Variants in PIDD1 observed in about 807,000 individuals in gnomAD.
PIDD1 encodes the protein p53-induced death domain-containing protein 1.
A neutral mutation model predicts 80.0 loss-of-function variants in PIDD1; 72 were observed. That is an observed-to-expected ratio of 0.90 (90% CI 0.74 to 1.09). PIDD1 has a LOEUF of 1.09. PIDD1 is among the 50% of genes least tolerant of loss of function. The pLI, the probability that PIDD1 is intolerant of heterozygous loss-of-function variation, is 0.00. For synonymous variants in PIDD1, 655 were observed against 543.5 expected, an observed-to-expected ratio of 1.21 and a Z score of -2.85; for missense variants, 1,329 against 1,228.3, an observed-to-expected ratio of 1.08 and a Z score of -1.23.
rs767298894 is a variant in PIDD1 at position 801,341 on chromosome 11, G to A, written c.1507C>T (p.Leu503=). The change falls in exon 9 of 16, where the codon CTG becomes TTG. Residue 503 remains leucine, a synonymous_variant. Coordinates refer to ENST00000347755, the MANE Select transcript of PIDD1 (RefSeq NM_145886.4). The part of the protein sequence containing the change: ...MQVVRMAGRE[L]QALLGEPEAA... Reference sequence around the variant, plus strand: ...TCTGGTTCTCCCAGGAGGGCCTGCAGCTCTCGGCCAGCCATGCGCACCACC... The same window carrying A: ...TCTGGTTCTCCCAGGAGGGCCTGCAACTCTCGGCCAGCCATGCGCACCACC... The A allele has an allele frequency of 3.1e-6, 5 of 1,609,328 alleles. No homozygotes were observed. In the East Asian group the frequency reaches 8.9e-5, roughly 29 times the overall value.
At chr11:808,623 G>T (rs1565075775), upstream of PIDD1, among the ~76,000 whole-genome samples, 1 of 152,164 alleles carries the variant, frequency 6.6e-6, no homozygotes, top group Non-Finnish European at 1.5e-5. Flanking sequence ...CTGAGCCCAG[G>T]AAGTTGAGGC....
At position 800,762 on chromosome 11, in the gene PIDD1, C is replaced by T; in HGVS notation, c.1917G>A (p.Lys639=). 1 of 1,547,582 alleles carries T rather than the reference C, an allele frequency of 6.5e-7. No individual in the cohort carries two copies. The highest frequency in any genetic ancestry group is 1.7e-4 in the Middle Eastern group (1 of 5,982). Residue 639 remains lysine, a splice_region_variant and synonymous_variant, in exon 11 of 16, where the codon AAG becomes AAA. Transcript: ENST00000347755. The part of the protein sequence containing the change: ...QVLLQCLPRN[K]VDATLRRLLE... ...GCTGCCCTCCGGCCCGTGCCCCCAC[C>T]TTGTTTCGGGGCAGGCACTGCAGCA...
Position 803,231 on chromosome 11 carries a change from T to C in PIDD1, c.652A>G (p.Ser218Gly), listed in dbSNP as rs1865523914. ...GAGGCCAGGTTGAGCTCCAGGAGGC[T>C]GCCCAGGCCTCCAATCTCAGGAGGT... ...TLPPEIGGLG[S>G]LLELNLASNR... The change falls in exon 3 of 16, where the codon AGC becomes GGC. Residue 218 changes from serine (S) to glycine (G), a missense_variant. Transcript: ENST00000347755. 1.2e-6 allele frequency: 2 copies of C among 1,612,334 alleles called. No homozygotes were observed. Among genetic ancestry groups the C allele is most frequent in the Non-Finnish European group, 8.5e-7 (1 of 1,179,880 alleles).
chr11:802,402 T>G lies in PIDD1; in HGVS notation c.975-6A>C. 1 of 1,610,930 alleles carries G rather than the reference T, an allele frequency of 6.2e-7. No individual in the cohort carries two copies. The highest frequency in any genetic ancestry group is 8.5e-7 in the Non-Finnish European group (1 of 1,179,102). On this transcript the variant is annotated splice_region_variant and splice_polypyrimidine_tract_variant and intron_variant, in intron 5 of 15. Transcript: ENST00000347755. The stretch of plus-strand genomic sequence containing the variant: ...CTTGAGGGGTCACAGGAAAGCTGAG[T>G]GAGGAAGGAGCGAGCAACAGGTTAG...
Position 803,267 on chromosome 11 carries a change from G to C in PIDD1, c.616C>G (p.Leu206Val), listed in dbSNP as rs747731106. Residue 206 changes from leucine to valine, a missense_variant, in exon 3 of 16, where the codon CTG becomes GTG. Physicochemically the swap from Leu to Val is conservative, Grantham distance 32 (BLOSUM62 1). Coordinates refer to ENST00000347755, the MANE Select transcript of PIDD1 (RefSeq NM_145886.4). The stretch of plus-strand genomic sequence containing the variant: ...CCAATCTCAGGAGGTAGCGTGTCCA[G>C]CAGATTCTGAGAGAGATCGAGGCGC... ...LQRLDLSQNLLDTLPPEIGGL... is the reference protein window; with the variant it reads ...LQRLDLSQNLVDTLPPEIGGL... 6.2e-7 allele frequency: 1 copy of C among 1,613,580 alleles called. No homozygotes were observed. The highest frequency in any genetic ancestry group is 1.7e-5 in the Admixed American group (1 of 60,026).
chr11:805,347 G>A (rs1865714722), upstream of PIDD1: 1 of 502,756 alleles, frequency 2.0e-6, no homozygotes, highest in Non-Finnish European at 2.6e-6. Flanking sequence ...GAGGTCTCCC[G>A]GCTCCTCCCC....
chr11:808,310 C>T (rs1206375734), upstream of PIDD1, among the ~76,000 whole-genome samples: 1 of 152,016 alleles, frequency 6.6e-6, no homozygotes, highest in Non-Finnish European at 1.5e-5. Flanking sequence ...GCCTGTAATC[C>T]CAGCTACTCA....
chr11:802,682 C>T lies in PIDD1; in HGVS notation c.919G>A (p.Val307Met). Residue 307 changes from valine (V) to methionine (M), a missense_variant and splice_region_variant, in exon 4 of 16, where the codon GTG becomes ATG. By Grantham distance (21) the Val-to-Met change is conservative. Transcript: ENST00000347755. Reference sequence around the variant, plus strand: ...CTGCCCCTTCTAGCACCAAGCCTACCTGGTGAACTCGGGGCGTCTGGCGAG... The same window carrying T: ...CTGCCCCTTCTAGCACCAAGCCTACTTGGTGAACTCGGGGCGTCTGGCGAG... ...EASPDAPSSPVAALIPEMPRL... is the reference protein window; with the variant it reads ...EASPDAPSSPMAALIPEMPRL... 6.2e-7 allele frequency: 1 copy of T among 1,609,838 alleles called. No individual in the cohort carries two copies. The highest frequency in any genetic ancestry group is 8.5e-7 in the Non-Finnish European group (1 of 1,177,890).
chr11:803,542 A>AGGGCACCCCGGAGAC lies in PIDD1; in HGVS notation c.326_340dup (p.Ala113_Leu114insArgLeuArgGlyAla), dbSNP rs1178829565. 4 of 1,612,816 alleles carry AGGGCACCCCGGAGAC rather than the reference A, an allele frequency of 2.5e-6. No homozygotes were observed. Among genetic ancestry groups the AGGGCACCCCGGAGAC allele is most frequent in the Non-Finnish European group, 3.4e-6 (4 of 1,179,798 alleles). The stretch of plus-strand genomic sequence containing the variant: ...ACTCAGACCAGCGGGCAGGTTGGTC[A>AGGGCACCCCGGAGAC]GGGCACCCCGGAGACAGGCACCCAG... On this transcript the variant is annotated inframe_insertion, in exon 3 of 16. Transcript: ENST00000347755.
In PIDD1 at chr11:802,305, T is replaced by C. The variant is rs778515043; in HGVS notation, c.1066A>G (p.Ile356Val). 6.2e-6 allele frequency: 10 copies of C among 1,612,014 alleles called. No homozygotes were observed. In the South Asian group the frequency reaches 7.7e-5, roughly 12 times the overall value. ...PAGATATPIT[I>V]RYRLLLPEPG... ...TCCGGCAGCAGCAGCCGATAGCGGA[T>C]GGTGATGGGGGTGGCGGTGGCTCCC... is the stretch of plus-strand genomic sequence containing the variant. Residue 356 changes from isoleucine (I) to valine (V), a missense_variant, in exon 6 of 16, where the codon ATC (isoleucine) becomes GTC (valine). Ile to Val is a conservative substitution (Grantham distance 29). Coordinates refer to ENST00000347755, the MANE Select transcript of PIDD1 (RefSeq NM_145886.4).
chr11:804,262 A>T lies in PIDD1; in HGVS notation c.127T>A (p.Tyr43Asn), dbSNP rs765370616. Residue 43 changes from tyrosine (Y) to asparagine (N), a missense_variant, in exon 2 of 16, where the codon TAC (tyrosine) becomes AAC (asparagine). By Grantham distance (143) the Tyr-to-Asn change is moderately radical. Coordinates refer to ENST00000347755, the MANE Select transcript of PIDD1 (RefSeq NM_145886.4). ...LGGNRLSLDL[Y>N]PGGCQQLLHL... ...AGCAGCTGCTGGCAGCCCCCGGGGT[A>T]CAGGTCCAAGCTCAGCCGGTTGCCG... The T allele has an allele frequency of 6.2e-7, 1 of 1,613,016 alleles. No homozygotes were observed. Among genetic ancestry groups the T allele is most frequent in the South Asian group, 1.1e-5 (1 of 91,082 alleles).
At chr11:802,936 G>A (rs375999664) in intron 3 of PIDD1, 45 bp from the exon 4 acceptor site, 164 of 1,484,234 alleles carry the variant, frequency 1.1e-4, no homozygotes, top group Non-Finnish European at 1.3e-4. Flanking sequence ...CCCAGCCCAC[G>A]GCGCTGGGAC....
In PIDD1 at chr11:801,384, CT is replaced by C; in HGVS notation, c.1483-20del. On this transcript the variant is annotated intron_variant, in intron 8 of 15. Coordinates refer to ENST00000347755, the MANE Select transcript of PIDD1 (RefSeq NM_145886.4). The stretch of plus-strand genomic sequence containing the variant: ...GCACCACCTGGGGCAGACAGGCCCC[CT>C]GAGCACCTGCCTGTGGGCTGAGGCG... 6.2e-7 allele frequency: 1 copy of C among 1,601,904 alleles called. No homozygotes were observed. The highest frequency in any genetic ancestry group is 8.5e-7 in the Non-Finnish European group (1 of 1,173,922).
Position 801,076 on chromosome 11 carries a change from G to A in PIDD1, c.1675C>T (p.Pro559Ser), listed in dbSNP as rs1183046547. ...ATGTCATCCCAGGTGGCTGCAGGAG[G>A]GGCCCAGTACAACAGGTGCAGGCGG... ...RSRLHLLYWAPPAATWDDITA... is the reference protein window; with the variant it reads ...RSRLHLLYWASPAATWDDITA... Residue 559 changes from proline to serine, a missense_variant, in exon 10 of 16, where the codon CCT becomes TCT. Transcript: ENST00000347755. The A allele has an allele frequency of 1.9e-6, 3 of 1,597,190 alleles. No individual in the cohort carries two copies. Among genetic ancestry groups the A allele is most frequent in the African/African-American group, 1.3e-5 (1 of 74,718 alleles).
upstream of PIDD1, among the ~76,000 whole-genome samples, chr11:807,604 C>G (rs925147904): frequency 5.3e-5 from 8 of 151,030 alleles, no homozygotes; most frequent in African/African-American, 1.5e-4. Flanking sequence ...GGTGAAACCC[C>G]GTCTCCACTA....
chr11:808,423 G>GAAA (rs1268121558), upstream of PIDD1, among the ~76,000 whole-genome samples: 559 of 151,296 alleles, frequency 3.7e-3, 1 homozygote, highest in Non-Finnish European at 6.1e-3. Context: ...GGACTCCTCA[G>GAAA]AAAAAAAGAA....
Position 801,032 on chromosome 11 carries a change from C to T in PIDD1, c.1719G>A (p.Leu573=). Residue 573 remains leucine (L), a synonymous_variant, in exon 10 of 16, where the codon CTG becomes CTA. Transcript: ENST00000347755. ...TWDDITAQVV[L]ELTHLYARFQ... is the part of the protein sequence containing the mutation. ...AGCGTGCGTACAGGTGGGTGAGCTC[C>T]AGGACCACCTGAGCTGTGATGTCAT... 6.9e-6 allele frequency: 11 copies of T among 1,602,568 alleles called. No individual in the cohort carries two copies. Among genetic ancestry groups the T allele is most frequent in the Non-Finnish European group, 9.4e-6 (11 of 1,175,184 alleles).
chr11:799,432 G>A lies in PIDD1; in HGVS notation c.2608C>T (p.Arg870Cys), dbSNP rs139695620. Reference sequence around the variant, plus strand: ...CGGCGGCCGAGCTCCAAGACTGCGCGCACCTCTTCAGCCACGTCCTGCCGG... The same window carrying A: ...CGGCGGCCGAGCTCCAAGACTGCGCACACCTCTTCAGCCACGTCCTGCCGG... ...SDRQDVAEEVRAVLELGRRKY... is the reference protein window; with the variant it reads ...SDRQDVAEEVCAVLELGRRKY... Residue 870 changes from arginine to cysteine, a missense_variant, in exon 16 of 16, where the codon CGC (arginine) becomes TGC (cysteine). By Grantham distance (180) the Arg-to-Cys change is radical. Coordinates refer to ENST00000347755, the MANE Select transcript of PIDD1 (RefSeq NM_145886.4). The A allele has an allele frequency of 2.1e-5, 34 of 1,611,016 alleles. No individual in the cohort carries two copies. The highest frequency in any genetic ancestry group is 8.0e-5 in the African/African-American group (6 of 74,928).
chr11:800,339 C>T lies in PIDD1; in HGVS notation c.2154G>A (p.Arg718=). 1 of 1,612,848 alleles carries T rather than the reference C, an allele frequency of 6.2e-7. No homozygotes were observed. Among genetic ancestry groups the T allele is most frequent in the Non-Finnish European group, 8.5e-7 (1 of 1,179,984 alleles). Residue 718 remains arginine (R), a synonymous_variant, in exon 13 of 16, where the codon CGG becomes CGA. Transcript: ENST00000347755. ...TTLDREAQAV[R]GQVSFYRGAV... is the part of the protein sequence containing the mutation. Reference sequence around the variant, plus strand: ...ACCCACTCCCCTCGCCCACCTGGCCCCGCACAGCCTGAGCCTCCCGGTCCA... The same window carrying T: ...ACCCACTCCCCTCGCCCACCTGGCCTCGCACAGCCTGAGCCTCCCGGTCCA...
Sources: allele counts gnomAD v4.1 joint callset (sites outside exome capture counted in the v4.1 genomes callset), GRCh38; gene constraint gnomAD v4.1.1; transcripts MANE v1.5; gene names NCBI Gene and HGNC (gene_info 2026-07-23, HGNC 2026-07-21).